Variants in EPM2A observed in about 807,000 individuals in gnomAD.
EPM2A encodes the protein EPM2A glucan phosphatase, laforin.
Under a neutral mutation model 26.5 loss-of-function variants are expected in EPM2A, and 21 were observed. The ratio of observed to expected loss-of-function variants is 0.79; its 90% CI spans 0.56 to 1.14. The LOEUF (loss-of-function observed/expected upper bound fraction) is 1.14. Among genes scored for constraint, EPM2A ranks in the 50% most tolerant of loss-of-function variants. The pLI, the probability that EPM2A is intolerant of heterozygous loss-of-function variation, is 0.00. For synonymous variants in EPM2A, 217 were observed against 177.6 expected (o/e 1.22, Z -1.76); for missense variants, 458 against 440.8 (o/e 1.04, Z -0.35).
chr6:145,603,914 G>A (rs1451489511), intron 2 of EPM2A, among the ~76,000 whole-genome samples: 1 of 152,006 alleles, frequency 6.6e-6, no homozygotes, highest in Non-Finnish European at 1.5e-5. Flanking sequence ...TGATCTCTTA[G>A]AATACTTACC....
chr6:145,646,786 T>C (rs1777503819), intron 2 of EPM2A, among the ~76,000 whole-genome samples: 1 of 152,154 alleles, frequency 6.6e-6, no homozygotes, highest in Non-Finnish European at 1.5e-5. Flanking sequence ...CTCTCCTGCC[T>C]ATCCCATTAG....
intron 2 of EPM2A, among the ~76,000 whole-genome samples, chr6:145,545,351 TC>T (rs1182912724): frequency 1.3e-5 from 2 of 152,072 alleles, no homozygotes; most frequent in Non-Finnish European, 2.9e-5. Context: ...AGAAGCCAAG[TC>T]AAATCATACA....
At chr6:145,513,499 A>T (rs535645508) in intron 2 of EPM2A, among the ~76,000 whole-genome samples, 2 of 152,338 alleles carry the variant, frequency 1.3e-5, no homozygotes, top group African/African-American at 4.8e-5. Flanking sequence ...GCGATATCTC[A>T]AAGAACTGAA....
In EPM2A at chr6:145,488,522, T is replaced by TGTGAGAGAGAGAGA. The variant is rs1201742298; in HGVS notation, c.555+13999_555+14000insTCTCTCTCTCTCAC. ...GTGTGTGTGTGTGTGTGTGTGTGTG[T>TGTGAGAGAGAGAGA]GAGAGAGAGAGAGAGAGAGAGAGAG... On this transcript the variant is annotated intron_variant, in intron 4 of 4. Coordinates refer to the EPM2A transcript ENST00000638717. Among the ~76,000 whole-genome samples the TGTGAGAGAGAGAGA allele has an allele frequency of 2.9e-5, 4 of 140,004 alleles. No homozygotes were observed. In the Admixed American group the frequency reaches 2.9e-4, roughly 10 times the overall value. 91.8% of individuals were successfully genotyped at this position (140,004 alleles called of 152,430 possible).
chr6:145,491,075 A>G (rs962212546), intron 4 of EPM2A: 1 of 729,350 alleles, frequency 1.4e-6, no homozygotes, highest in African/African-American at 1.8e-5. Context: ...CTGTGATAAC[A>G]TTTGAAGTTG....
At chr6:145,516,208 T>C (rs1268640116) in intron 2 of EPM2A, among the ~76,000 whole-genome samples, 1 of 152,182 alleles carries the variant, frequency 6.6e-6, no homozygotes. Context: ...GATAGAACTT[T>C]GAGAGAGATA....
chr6:145,441,109 C>A (rs532842138), intron 4 of EPM2A, among the ~76,000 whole-genome samples: 4 of 152,246 alleles, frequency 2.6e-5, no homozygotes, highest in Admixed American at 6.5e-5. Flanking sequence ...CATTTCCATA[C>A]ATCCCCTGAA....
chr6:145,701,426 A>G (rs1270547299), intron 1 of EPM2A, among the ~76,000 whole-genome samples: 1 of 152,212 alleles, frequency 6.6e-6, no homozygotes, highest in Non-Finnish European at 1.5e-5. Flanking sequence ...ACCTCTAGGC[A>G]TCATGTCTGG....
intron 1 of EPM2A, among the ~76,000 whole-genome samples, chr6:145,707,102 G>C (rs1257908690): frequency 6.6e-6 from 1 of 152,222 alleles, no homozygotes; most frequent in Non-Finnish European, 1.5e-5. Flanking sequence ...CCAGCCTCCA[G>C]AACTGTGAGA....
Position 145,735,252 on chromosome 6 carries a change from T to C in EPM2A, c.247A>G (p.Thr83Ala). The C allele has an allele frequency of 6.5e-7, 1 of 1,533,374 alleles. No homozygotes were observed. The allele number at this position is 1,533,374 out of a possible 1,614,324, so 95.0% of individuals were successfully genotyped here. A position where few individuals can be genotyped will look rare whatever the true frequency, so the allele number is the denominator to read the frequency against. The change falls in exon 1 of 4, where the codon ACG (threonine) becomes GCG (alanine). Residue 83 changes from threonine to alanine, a missense_variant. Coordinates refer to ENST00000367519, the MANE Select transcript of EPM2A (RefSeq NM_005670.4). ...CGCTTCAGGAACTTGTACCAGAACG[T>C]GTCCACGCGGCCCGGCTCCGCCCCG... is the stretch of plus-strand genomic sequence containing the variant. The part of the protein sequence containing the change: ...QDGAEPGRVD[T>A]FWYKFLKREP...
chr6:145,470,737 G>T (rs979096086), intron 4 of EPM2A, among the ~76,000 whole-genome samples: 14 of 152,086 alleles, frequency 9.2e-5, no homozygotes, highest in African/African-American at 3.4e-4. Context: ...TACACTTTAT[G>T]CACAAAAGGA....
intron 4 of EPM2A, among the ~76,000 whole-genome samples, chr6:145,455,081 G>A (rs545035100): frequency 1.2e-4 from 18 of 150,126 alleles, no homozygotes; most frequent in Admixed American, 7.3e-4. Flanking sequence ...ATCAGTGGTT[G>A]AAGAGAATGT....
At chr6:145,650,983 A>G (rs1278551192) in intron 2 of EPM2A, among the ~76,000 whole-genome samples, 1 of 152,232 alleles carries the variant, frequency 6.6e-6, no homozygotes, top group Non-Finnish European at 1.5e-5. Flanking sequence ...AAATGGAAAG[A>G]CAAGGTGCAG....
intron 4 of EPM2A, among the ~76,000 whole-genome samples, chr6:145,410,331 T>A (rs1200104555): frequency 6.6e-6 from 1 of 152,288 alleles, no homozygotes; most frequent in East Asian, 1.9e-4. Context: ...AAGTAGAGTG[T>A]GTCTGAGAAT....
intron 4 of EPM2A, among the ~76,000 whole-genome samples, chr6:145,465,338 T>C (rs1179313065): frequency 1.3e-5 from 2 of 150,350 alleles, no homozygotes; most frequent in African/African-American, 4.9e-5. Flanking sequence ...TTTAAGCACT[T>C]CTCTGTATTG....
chr6:145,640,421 T>C (rs915016444), intron 2 of EPM2A: 7 of 152,316 alleles, frequency 4.6e-5, no homozygotes, highest in Non-Finnish European at 7.3e-5. Flanking sequence ...ACAGGAATAA[T>C]GGAACCAGCT....
intron 2 of EPM2A, among the ~76,000 whole-genome samples, chr6:145,685,395 G>T (rs1780832840): frequency 6.6e-6 from 1 of 152,058 alleles, no homozygotes; most frequent in Non-Finnish European, 1.5e-5. Flanking sequence ...TGCCTGGTAG[G>T]GACTGGAGTG....
At chr6:145,485,875 G>T (rs1779664735) in intron 4 of EPM2A, among the ~76,000 whole-genome samples, 1 of 152,144 alleles carries the variant, frequency 6.6e-6, no homozygotes, top group Admixed American at 6.5e-5. Flanking sequence ...CCAAGTAAAG[G>T]GGGATTCCCC....
chr6:145,547,809 A>G, intron 2 of EPM2A, among the ~76,000 whole-genome samples: 1 of 152,124 alleles, frequency 6.6e-6, no homozygotes, highest in East Asian at 1.9e-4. Context: ...GAATGATGAA[A>G]ATGTGTGTGT....
Sources: gnomAD v4.1 joint callset for allele counts (sites outside exome capture counted in the v4.1 genomes callset) on GRCh38, gnomAD v4.1.1 for gene constraint, MANE v1.5 for transcripts, NCBI Gene and HGNC (gene_info 2026-07-23, HGNC 2026-07-21) for gene names.